ATP2C1: variants seen among roughly 807,000 people sequenced by gnomAD.
The protein encoded by ATP2C1 is calcium-transporting ATPase type 2C member 1.
Under a neutral mutation model 120.5 loss-of-function variants are expected in ATP2C1, and 31 were observed. The observed-to-expected ratio is 0.26, with a 90% CI of 0.19 to 0.35. ATP2C1 has a LOEUF of 0.35. ATP2C1 is among the 10% of genes least tolerant of loss of function. The pLI is 1.00. For synonymous variants in ATP2C1, 351 were observed against 358.7 expected, an observed-to-expected ratio of 0.98 and a Z score of 0.24; for missense variants, 731 against 1,107.5, an observed-to-expected ratio of 0.66 and a Z score of 4.83.
chr3:130,970,356 CTAAA>C (rs2061240644), intron 17 of ATP2C1, among the ~76,000 whole-genome samples: 1 of 109,178 alleles, frequency 9.2e-6, no homozygotes, highest in Non-Finnish European at 1.9e-5. Context: ...AACAGCCTGT[CTAAA>C]AAAAAAATTA....
rs139679540 is a variant in ATP2C1, at chr3:131,012,015, G to A, written c.2630-4137G>A. ...TTTACTGCAAGGCTGGATAATTTCA[G>A]TGGAATGGTCCTGAGTGCCATGGTT... On this transcript the variant is annotated intron_variant, in intron 26 of 26. Coordinates refer to the ATP2C1 transcript ENST00000328560. Among the ~76,000 whole-genome samples, 73 of 152,288 alleles carry A rather than the reference G, an allele frequency of 4.8e-4. 1 individual carries two copies. Among genetic ancestry groups the A allele is most frequent in the African/African-American group, 1.5e-3 (63 of 41,552 alleles).
intron 2 of ATP2C1, among the ~76,000 whole-genome samples, chr3:130,908,200 T>G (rs569213474): frequency 2.0e-5 from 3 of 152,180 alleles, no homozygotes; most frequent in African/African-American, 7.2e-5. Context: ...CAACCAAAGT[T>G]TCACTTTCAG....
At chr3:131,000,559 T>A (rs908166456) in intron 27 of ATP2C1, among the ~76,000 whole-genome samples, 4 of 152,230 alleles carry the variant, frequency 2.6e-5, no homozygotes, top group African/African-American at 7.2e-5. Context: ...TGTCTACTAC[T>A]GTTGATACAG....
intron 16 of ATP2C1, among the ~76,000 whole-genome samples, chr3:130,967,665 G>C (rs2061109409): frequency 6.6e-6 from 1 of 152,068 alleles, no homozygotes; most frequent in East Asian, 1.9e-4. Context: ...GATTTCTTGT[G>C]AAGAAATGTT....
intron 1 of ATP2C1, among the ~76,000 whole-genome samples, chr3:130,853,048 A>G (rs1443262385): frequency 6.6e-6 from 1 of 152,226 alleles, no homozygotes; most frequent in Non-Finnish European, 1.5e-5. Context: ...ACTGTTTACC[A>G]CATCTGTATG....
chr3:130,966,648 A>G (rs189254067), intron 14 of ATP2C1, among the ~76,000 whole-genome samples: 152 of 152,088 alleles, frequency 1.0e-3, no homozygotes, highest in Non-Finnish European at 1.6e-3. Context: ...GTTTGTCTCT[A>G]CCTCTGATTT....
At chr3:130,996,006 A>G (rs1226393058) in intron 22 of ATP2C1, 37 bp from the exon 23 acceptor site, 1 of 1,284,202 alleles carries the variant, frequency 7.8e-7, no homozygotes, top group Non-Finnish European at 1.1e-6. Context: ...TTGTATGATA[A>G]TATTTTCTCA....
chr3:130,938,661 G>A (rs975647505), intron 6 of ATP2C1, among the ~76,000 whole-genome samples: 9 of 152,182 alleles, frequency 5.9e-5, no homozygotes, highest in African/African-American at 2.2e-4. Flanking sequence ...GGTGGAGCTG[G>A]TTAGTCTAGC....
In ATP2C1 at chr3:131,001,829, T is replaced by G; in HGVS notation, c.*479T>G. The G allele has an allele frequency of 1.0e-6, 1 of 986,164 alleles. No individual in the cohort carries two copies. The highest frequency in any genetic ancestry group is 1.7e-5 in the African/African-American group (1 of 57,340). 61.1% of individuals were successfully genotyped at this position (986,164 alleles called of 1,614,324 possible). A position where few individuals can be genotyped will look rare whatever the true frequency, so the allele number is the denominator to read the frequency against. On this transcript the variant is annotated 3_prime_UTR_variant, in exon 28 of 28. Transcript: ENST00000510168. The stretch of plus-strand genomic sequence containing the variant: ...CAGGAGTGCCATATTTCAGCTACTG[T>G]ATTTCCTTTTTCTTGTAATGTAAGC...
chr3:130,948,103 C>T (rs2060223051), intron 8 of ATP2C1, among the ~76,000 whole-genome samples: 1 of 152,134 alleles, frequency 6.6e-6, no homozygotes, highest in Non-Finnish European at 1.5e-5. Context: ...ACTCAACATA[C>T]AATAATACTG....
Position 130,921,104 on chromosome 3 carries a change from C to T in ATP2C1, c.7-9312C>T, listed in dbSNP as rs150392717. 5.8e-3 allele frequency among the ~76,000 whole-genome samples: 733 copies of T among 126,454 alleles called. 19 individuals carry two copies. Among genetic ancestry groups the T allele is most frequent in the Admixed American group, 0.029 (326 of 11,350 alleles). 83.0% of individuals were successfully genotyped at this position (126,454 alleles called of 152,430 possible). ...CTTTTTTTTTTTTTTTTTTTTGAGA[C>T]GGAGTCTCGCACAGTTTCCCAGGCT... On this transcript the variant is annotated intron_variant, in intron 2 of 27. Transcript: ENST00000510168.
chr3:130,868,051 C>T (rs564323006), intron 1 of ATP2C1: 1 of 150,524 alleles, frequency 6.6e-6, no homozygotes, highest in South Asian at 1.7e-4. Context: ...GCCCCTCCGT[C>T]CGGCAACCAC....
At position 131,001,547 on chromosome 3, in the gene ATP2C1, C is replaced by T. The variant is rs539499902; in HGVS notation, c.*197C>T. On this transcript the variant is annotated 3_prime_UTR_variant, in exon 28 of 28. Transcript: ENST00000510168. Reference sequence around the variant, plus strand: ...ATTATGCAACTTTGATATCATATTCCTTGATTTAAATTGGCTTTTGTGATT... The same window carrying T: ...ATTATGCAACTTTGATATCATATTCTTTGATTTAAATTGGCTTTTGTGATT... The T allele has an allele frequency of 5.2e-5, 67 of 1,282,978 alleles. No homozygotes were observed. Among genetic ancestry groups the T allele is most frequent in the Admixed American group, 7.3e-5 (2 of 27,482 alleles). 79.5% of individuals were successfully genotyped at this position (1,282,978 alleles called of 1,614,324 possible). A position where few individuals can be genotyped will look rare whatever the true frequency, so the allele number is the denominator to read the frequency against.
At chr3:130,850,634 G>A (rs1169553553) in exon 1 of ATP2C1, 2 of 419,250 alleles carry the variant, frequency 4.8e-6, no homozygotes, top group East Asian at 3.8e-5. Context: ...TTCATACTTG[G>A]CTGTCTGGTT....
chr3:130,873,968 G>A (rs568058166), intron 1 of ATP2C1, among the ~76,000 whole-genome samples: 5 of 152,006 alleles, frequency 3.3e-5, no homozygotes, highest in African/African-American at 4.8e-5. Flanking sequence ...AAATTAGCCC[G>A]GCATGGTGGC....
At chr3:130,932,753 TG>T (rs915978040) in intron 4 of ATP2C1, among the ~76,000 whole-genome samples, 2 of 152,210 alleles carry the variant, frequency 1.3e-5, no homozygotes, top group African/African-American at 4.8e-5. Flanking sequence ...GTAATTAGGT[TG>T]GTTTGCTAAA....
At chr3:130,900,259 G>A (rs1652001234) in intron 2 of ATP2C1, among the ~76,000 whole-genome samples, 2 of 151,942 alleles carry the variant, frequency 1.3e-5, no homozygotes, top group South Asian at 4.1e-4. Context: ...ACGAGGTCTT[G>A]ATATATTGCC....
intron 2 of ATP2C1, among the ~76,000 whole-genome samples, chr3:130,911,783 C>T (rs1400505544): frequency 1.1e-4 from 17 of 148,324 alleles, no homozygotes; most frequent in South Asian, 2.2e-4. Context: ...AAAAAGAGCC[C>T]GCATCGCCAA....
rs2061095267 is a variant in ATP2C1 at position 130,967,422 on chromosome 3, A to G, written c.1308+3A>G. 6.2e-7 allele frequency: 1 copy of G among 1,612,262 alleles called. No homozygotes were observed. The highest frequency in any genetic ancestry group is 2.2e-5 in the East Asian group (1 of 44,808). On this transcript the variant is annotated splice_donor_region_variant and intron_variant, in intron 16 of 27. Coordinates refer to ENST00000510168, the MANE Select transcript of ATP2C1 (RefSeq NM_001378687.1). The stretch of plus-strand genomic sequence containing the variant: ...CCTTAATTGCTCTTGCAATGAAGGT[A>G]CGTACCTAAATTTCTCTTCTTTGAC...
Sources: allele counts gnomAD v4.1 joint callset (sites outside exome capture counted in the v4.1 genomes callset), GRCh38; gene constraint gnomAD v4.1.1; transcripts MANE v1.5; gene names NCBI Gene and HGNC (gene_info 2026-07-23, HGNC 2026-07-21).